Variants in SPOCK1 observed in about 807,000 individuals in gnomAD.
The protein encoded by SPOCK1 is testican-1.
A neutral mutation model predicts 55.3 loss-of-function variants in SPOCK1; 23 were observed. The observed-to-expected ratio is 0.42, with a 90% CI of 0.30 to 0.59. The LOEUF (loss-of-function observed/expected upper bound fraction) is 0.59, where lower values mean the gene tolerates loss of function less well. Ranked by LOEUF, SPOCK1 falls within the 20% of genes least tolerant of loss-of-function variation. The pLI is 0.22. For missense variants in SPOCK1, 499 were observed against 552.5 expected, an observed-to-expected ratio of 0.90 and a Z score of 0.97; for synonymous variants, 226 against 221.0, an observed-to-expected ratio of 1.02 and a Z score of -0.20.
At chr5:137,257,114 C>T (rs753083065) in intron 3 of SPOCK1, among the ~76,000 whole-genome samples, 2 of 152,192 alleles carry the variant, frequency 1.3e-5, no homozygotes, top group African/African-American at 2.4e-5. Flanking sequence ...TCAGGCCCAT[C>T]TTGCTATCTG....
intron 3 of SPOCK1, among the ~76,000 whole-genome samples, chr5:137,259,252 AT>A (rs1230796593): frequency 6.6e-6 from 1 of 152,232 alleles, no homozygotes; most frequent in Non-Finnish European, 1.5e-5. Flanking sequence ...ATGCTCATTA[AT>A]GATAGACTGG....
intron 2 of SPOCK1, among the ~76,000 whole-genome samples, chr5:137,492,329 T>C (rs922921733): frequency 6.6e-6 from 1 of 152,122 alleles, no homozygotes; most frequent in Non-Finnish European, 1.5e-5. Flanking sequence ...ATCGAGAACA[T>C]GAAAACTATG....
At chr5:137,332,070 C>G (rs1758197316) in intron 2 of SPOCK1, among the ~76,000 whole-genome samples, 1 of 152,174 alleles carries the variant, frequency 6.6e-6, no homozygotes, top group African/African-American at 2.4e-5. Flanking sequence ...CCTGCAAGGC[C>G]CCAGGTGGTC....
At chr5:136,979,034 T>C (rs1395672880) in intron 10 of SPOCK1, among the ~76,000 whole-genome samples, 190 bp from the exon 11 acceptor site, 1 of 152,162 alleles carries the variant, frequency 6.6e-6, no homozygotes, top group Non-Finnish European at 1.5e-5. Flanking sequence ...AGCCCTAGAA[T>C]TCTTGAGATG....
chr5:137,427,866 G>A (rs901080830), intron 2 of SPOCK1, among the ~76,000 whole-genome samples: 14 of 144,806 alleles, frequency 9.7e-5, no homozygotes, highest in Non-Finnish European at 1.8e-4. Context: ...CCGAGATCGC[G>A]CCACTGCACT....
At chr5:137,077,916 A>C (rs914452995) in intron 5 of SPOCK1, among the ~76,000 whole-genome samples, 1 of 152,188 alleles carries the variant, frequency 6.6e-6, no homozygotes, top group Non-Finnish European at 1.5e-5. Context: ...CTTCCCAGAA[A>C]CTCTAGGAAG....
chr5:137,457,872 A>G (rs1209603302), intron 2 of SPOCK1, among the ~76,000 whole-genome samples: 2 of 152,178 alleles, frequency 1.3e-5, no homozygotes, highest in Non-Finnish European at 2.9e-5. Flanking sequence ...GGAGCTGCAT[A>G]TGGGGGATAA....
At chr5:137,361,551 T>G (rs1580885852) in intron 2 of SPOCK1, among the ~76,000 whole-genome samples, 2 of 152,094 alleles carry the variant, frequency 1.3e-5, no homozygotes, top group Admixed American at 1.3e-4. Flanking sequence ...TAAGTAAAAA[T>G]GCAGGAAATA....
In SPOCK1 at chr5:137,498,565, GGCAGGGCGC is replaced by G. The variant is rs1236609843; in HGVS notation, c.1-16_1-8del. ...ACACCGCGATCGCCGGCATCTGCGG[GGCAGGGCGC>G]GCAGGGCGATGAGCGAAGAGGGCGG... On this transcript the variant is annotated splice_region_variant and splice_polypyrimidine_tract_variant and intron_variant, in intron 1 of 10. Coordinates refer to ENST00000394945, the MANE Select transcript of SPOCK1 (RefSeq NM_004598.4). The G allele has an allele frequency of 6.7e-7, 1 of 1,485,052 alleles. No homozygotes were observed. The highest frequency in any genetic ancestry group is 2.6e-5 in the East Asian group (1 of 38,346). 92.0% of individuals were successfully genotyped at this position (1,485,052 alleles called of 1,614,324 possible).
intron 2 of SPOCK1, among the ~76,000 whole-genome samples, chr5:137,433,297 G>T (rs1431706692): frequency 6.6e-6 from 1 of 151,922 alleles, no homozygotes; most frequent in Non-Finnish European, 1.5e-5. Flanking sequence ...CATCTTGTTT[G>T]GTTAGAGGGA....
At chr5:137,232,927 C>T (rs1442244023) in intron 3 of SPOCK1, among the ~76,000 whole-genome samples, 1 of 152,096 alleles carries the variant, frequency 6.6e-6, no homozygotes, top group African/African-American at 2.4e-5. Context: ...ATGTGTTATT[C>T]CGCACTATCA....
chr5:137,205,725 G>T (rs1384722672), intron 3 of SPOCK1, among the ~76,000 whole-genome samples: 1 of 152,202 alleles, frequency 6.6e-6, no homozygotes, highest in Non-Finnish European at 1.5e-5. Flanking sequence ...GTTACAAACA[G>T]ACTGAAGAGC....
chr5:137,150,945 A>G (rs1754308005), intron 3 of SPOCK1, among the ~76,000 whole-genome samples: 1 of 152,152 alleles, frequency 6.6e-6, no homozygotes, highest in African/African-American at 2.4e-5. Context: ...CTAAAAATCA[A>G]CTAAAGGAAG....
In SPOCK1 at chr5:136,988,429, C is replaced by G. The variant is rs62642464; in HGVS notation, c.921G>C (p.Lys307Asn). Residue 307 changes from lysine (K) to asparagine (N), a missense_variant, in exon 8 of 11, where the codon AAG becomes AAC. Lys to Asn is a moderately conservative substitution (Grantham distance 94, BLOSUM62 0). Coordinates refer to ENST00000394945, the MANE Select transcript of SPOCK1 (RefSeq NM_004598.4). ...CCCTCCATCCCACCTTACCTCCAGG[C>G]TTCTGGAAGCAGTAGCACCACTCAT... ...SNNEWCYCFQ[K>N]PGGLPCQNEM... 1 of 1,613,610 alleles carries G rather than the reference C, an allele frequency of 6.2e-7. No individual in the cohort carries two copies. The highest frequency in any genetic ancestry group is 8.5e-7 in the Non-Finnish European group (1 of 1,179,540).
chr5:137,060,100 A>G (rs1752368923), intron 6 of SPOCK1, among the ~76,000 whole-genome samples: 1 of 152,234 alleles, frequency 6.6e-6, no homozygotes, highest in African/African-American at 2.4e-5. Context: ...ATTATTGGGT[A>G]TTTACCCAAA....
At chr5:137,084,895 G>C (rs2127015930) in intron 5 of SPOCK1, among the ~76,000 whole-genome samples, 1 of 129,814 alleles carries the variant, frequency 7.7e-6, no homozygotes, top group African/African-American at 2.8e-5. Flanking sequence ...TCCCTCTAAG[G>C]AAGCAAAGCA....
At chr5:137,055,001 CT>C (rs1335476574) in intron 6 of SPOCK1, among the ~76,000 whole-genome samples, 1 of 151,606 alleles carries the variant, frequency 6.6e-6, no homozygotes, top group African/African-American at 2.4e-5. Context: ...GAAATGAAAC[CT>C]AGTTCTTCTG....
chr5:137,409,008 C>A (rs777185261), intron 2 of SPOCK1, among the ~76,000 whole-genome samples: 1 of 152,166 alleles, frequency 6.6e-6, no homozygotes, highest in Non-Finnish European at 1.5e-5. Context: ...CCTCCCAAAC[C>A]CCTTCCCCAA....
intron 6 of SPOCK1, among the ~76,000 whole-genome samples, chr5:137,041,444 T>C (rs1321205859): frequency 1.3e-5 from 2 of 151,988 alleles, no homozygotes; most frequent in East Asian, 3.8e-4. Context: ...TCACAACCTA[T>C]AAAAGAAAAA....
Sources: gnomAD v4.1 joint callset for allele counts (sites outside exome capture counted in the v4.1 genomes callset) on GRCh38, gnomAD v4.1.1 for gene constraint, MANE v1.5 for transcripts, NCBI Gene and HGNC (gene_info 2026-07-23, HGNC 2026-07-21) for gene names.